Variants in ABCB4 observed in about 807,000 individuals in gnomAD.
The protein encoded by ABCB4 is ATP binding cassette subfamily B member 4.
In ABCB4, 76 loss-of-function variants were observed where a neutral mutation model predicts 145.7. The ratio of observed to expected loss-of-function variants is 0.52; its 90% CI spans 0.43 to 0.63. The LOEUF (loss-of-function observed/expected upper bound fraction) is 0.63, where lower values mean the gene tolerates loss of function less well. ABCB4 is among the 30% of genes least tolerant of loss of function. The pLI, the probability that ABCB4 is intolerant of heterozygous loss-of-function variation, is 0.00. For missense variants in ABCB4, 1,234 were observed against 1,553.1 expected (o/e 0.79, Z 3.45); for synonymous variants, 517 against 566.8 (o/e 0.91, Z 1.25).
downstream of ABCB4, among the ~76,000 whole-genome samples, chr7:87,400,549 A>C (rs1447678314): frequency 2.0e-5 from 3 of 152,206 alleles, no homozygotes; most frequent in Non-Finnish European, 4.4e-5. Flanking sequence ...GGAAGATGAG[A>C]TCTGAACTAA....
rs780329678 is a variant in ABCB4, at chr7:87,402,076, A to G, written c.*20T>C. Reference sequence around the variant, plus strand: ...GTAGAATAATTTGAATTTATTTTTAAAATATACTGTAGCAAAAGTTCATAA... The same window carrying G: ...GTAGAATAATTTGAATTTATTTTTAGAATATACTGTAGCAAAAGTTCATAA... On this transcript the variant is annotated 3_prime_UTR_variant, in exon 28 of 28. Transcript: ENST00000649586. The G allele has an allele frequency of 1.2e-6, 2 of 1,613,434 alleles. No homozygotes were observed. The highest frequency in any genetic ancestry group is 1.7e-6 in the Non-Finnish European group (2 of 1,179,466).
At chr7:87,447,908 A>G (rs1189820435) in intron 8 of ABCB4, among the ~76,000 whole-genome samples, 1 of 152,224 alleles carries the variant, frequency 6.6e-6, no homozygotes, top group African/African-American at 2.4e-5. Context: ...ATAATTGTAG[A>G]AAGTAGTACA....
Position 87,462,828 on chromosome 7 carries a change from G to C in ABCB4, c.216C>G (p.Pro72=), listed in dbSNP as rs746750803. 6.2e-7 allele frequency: 1 copy of C among 1,613,578 alleles called. No individual in the cohort carries two copies. The highest frequency in any genetic ancestry group is 8.5e-7 in the Non-Finnish European group (1 of 1,179,726). ...IMAIAHGSGL[P]LMMIVFGEMT... ...TCTCTCCAAATACTATCATCATGAG[G>C]GGGAGACCTGATCCGTGAGCTATGG... The change falls in exon 4 of 28, where the codon CCC becomes CCG. Residue 72 remains proline, a synonymous_variant. Transcript: ENST00000649586.
chr7:87,453,154 GCTCTATTAAATAC>G lies in ABCB4; in HGVS notation c.345-32_345-20del, dbSNP rs773160136. The G allele has an allele frequency of 1.9e-6, 3 of 1,607,126 alleles. No homozygotes were observed. The African/African-American group carries it at 4.0e-5, about 22-fold the overall frequency. ...TGCATATCTGAAAAAAAAGAGAAAG[GCTCTATTAAATAC>G]CTTCTCTTTTCTTTTTTCTTTTCTT... On this transcript the variant is annotated intron_variant, in intron 5 of 27. Coordinates refer to ENST00000649586, the MANE Select transcript of ABCB4 (RefSeq NM_000443.4).
chr7:87,468,073 TA>T (rs1262029914), intron 3 of ABCB4, among the ~76,000 whole-genome samples: 1 of 151,960 alleles, frequency 6.6e-6, no homozygotes, highest in Non-Finnish European at 1.5e-5. Flanking sequence ...GATAGAGACA[TA>T]AAAAACCCTT....
intron 4 of ABCB4, among the ~76,000 whole-genome samples, chr7:87,461,970 T>G (rs1584781442): frequency 6.6e-6 from 1 of 152,364 alleles, no homozygotes; most frequent in East Asian, 1.9e-4. Context: ...TTCTACCATC[T>G]GTGCAACAGT....
At chr7:87,377,244 G>T in the ABCB4 span, 1 of 616,686 alleles carries the variant, frequency 1.6e-6, no homozygotes. Flanking sequence ...TATTAAATTT[G>T]GTTGACGTGA....
chr7:87,376,045 CT>C, the ABCB4 span: 1 of 1,244,964 alleles, frequency 8.0e-7, no homozygotes, highest in Non-Finnish European at 1.1e-6. Context: ...CTTTTTCTAC[CT>C]TTAGGCTCTT....
At chr7:87,369,344 T>A in the ABCB4 span, 1 of 1,474,192 alleles carries the variant, frequency 6.8e-7, no homozygotes, top group Non-Finnish European at 9.4e-7. Flanking sequence ...AACCTTAGAT[T>A]TGAGTCTTGT....
chr7:87,460,392 G>A (rs1334828212), intron 4 of ABCB4, among the ~76,000 whole-genome samples: 1 of 152,182 alleles, frequency 6.6e-6, no homozygotes, highest in African/African-American at 2.4e-5. Flanking sequence ...CTGTCACCCA[G>A]GTAGTGAGCA....
chr7:87,389,437 G>A, the ABCB4 span, among the ~76,000 whole-genome samples: 1 of 152,148 alleles, frequency 6.6e-6, no homozygotes, highest in African/African-American at 2.4e-5. Flanking sequence ...GGAATACTAT[G>A]CAGCCATAAA....
chr7:87,407,020 C>G (rs991781807), intron 25 of ABCB4, among the ~76,000 whole-genome samples: 7 of 152,144 alleles, frequency 4.6e-5, no homozygotes, highest in African/African-American at 1.7e-4. Context: ...GGACAAGAAT[C>G]CCATGGAAAA....
chr7:87,448,314 C>T (rs892578213), intron 8 of ABCB4, among the ~76,000 whole-genome samples: 3 of 152,154 alleles, frequency 2.0e-5, no homozygotes, highest in African/African-American at 7.2e-5. Context: ...ACAGCAACAC[C>T]AGTTTTAGTG....
At chr7:87,403,038 T>C in intron 27 of ABCB4, 97 bp downstream of exon 27, 1 of 1,318,076 alleles carries the variant, frequency 7.6e-7, no homozygotes, top group Non-Finnish European at 1.1e-6. Context: ...TTCTGTGTTT[T>C]TCCCCCTGTG....
Position 87,409,363 on chromosome 7 carries a change from A to G in ABCB4, c.2954T>C (p.Val985Ala). The G allele has an allele frequency of 1.1e-5, 18 of 1,614,136 alleles. No homozygotes were observed. Among genetic ancestry groups the G allele is most frequent in the Non-Finnish European group, 1.4e-5 (16 of 1,179,992 alleles). ...LVFSAIVFGA[V>A]ALGHASSFAP... The stretch of plus-strand genomic sequence containing the variant: ...AAATGAACTGGCATGTCCTAGAGCC[A>G]CTGCACCAAATACAATTGCAGAAAA... Residue 985 changes from valine (V) to alanine (A), a missense_variant, in exon 24 of 28, where the codon GTG becomes GCG. By Grantham distance (64) the Val-to-Ala change is moderately conservative (BLOSUM62 0). Around this residue, in one of 7 missense-constraint regions of ABCB4, gnomAD observed 301 missense variants for 389.0 expected, o/e 0.77. Transcript: ENST00000649586.
intron 4 of ABCB4, 102 bp from the exon 5 acceptor site, chr7:87,454,694 G>T: frequency 1.2e-6 from 1 of 861,808 alleles, no homozygotes; most frequent in South Asian, 1.6e-5. Flanking sequence ...ATGAAAGCTA[G>T]AAGATGCTAT....
intron 2 of ABCB4, among the ~76,000 whole-genome samples, chr7:87,474,129 T>TTCTGAGTAACAC (rs1379506575): frequency 6.6e-6 from 1 of 152,226 alleles, no homozygotes; most frequent in African/African-American, 2.4e-5. Flanking sequence ...CTCTGAGGAC[T>TTCTGAGTAACAC]TTCCTGGGTT....
rs540946679 is a variant in ABCB4 at position 87,422,149 on chromosome 7, A to G, written c.2288T>C (p.Ile763Thr). ...AAGGAAGAAAGTAAAAAAAGAAATA[A>G]TTCCCAGAAATAAGAAAATCAAAGA... ...IFSLIFLFLG[I>T]ISFFTFFLQG... Residue 763 changes from isoleucine to threonine, a missense_variant, in exon 18 of 28, where the codon ATT becomes ACT. Physicochemically the swap from Ile to Thr is moderately conservative, Grantham distance 89. Around this residue, in one of 7 missense-constraint regions of ABCB4, gnomAD observed 321 missense variants for 332.6 expected, o/e 0.97. Transcript: ENST00000649586. 2.2e-5 allele frequency: 36 copies of G among 1,612,846 alleles called. No homozygotes were observed. The South Asian group carries it at 2.5e-4, about 11-fold the overall frequency.
chr7:87,403,558 T>C (rs766969164), intron 26 of ABCB4, among the ~76,000 whole-genome samples: 7 of 152,246 alleles, frequency 4.6e-5, no homozygotes, highest in East Asian at 1.9e-4. Context: ...AATAAGTCAT[T>C]TGTTGTCATT....
Sources: allele counts gnomAD v4.1 joint callset (sites outside exome capture counted in the v4.1 genomes callset), GRCh38; gene constraint gnomAD v4.1.1; regional missense constraint gnomAD v4.1.1; transcripts MANE v1.5; gene names NCBI Gene and HGNC (gene_info 2026-07-23, HGNC 2026-07-21).